The following HS6ST3 variants were observed in gnomAD, a reference collection of about 807,000 sequenced individuals.
HS6ST3 encodes the protein heparan-sulfate 6-O-sulfotransferase 3.
A neutral mutation model predicts 36.7 loss-of-function variants in HS6ST3; 12 were observed. That is an observed-to-expected ratio of 0.33 (90% CI 0.21 to 0.53). The LOEUF (loss-of-function observed/expected upper bound fraction) is 0.53, where lower values mean the gene tolerates loss of function less well. Among genes scored for constraint, HS6ST3 ranks in the 20% least tolerant of loss-of-function variants. HS6ST3 has a pLI of 0.95. For missense variants in HS6ST3, 584 were observed against 640.9 expected (o/e 0.91, Z 0.96); for synonymous variants, 240 against 257.5 (o/e 0.93, Z 0.65).
intron 1 of HS6ST3, among the ~76,000 whole-genome samples, chr13:96,115,334 A>G (rs1197604870): frequency 6.6e-6 from 1 of 152,166 alleles, no homozygotes; most frequent in Non-Finnish European, 1.5e-5. Context: ...GGTTTGTTAC[A>G]TAGGTGTACG....
intron 1 of HS6ST3, among the ~76,000 whole-genome samples, chr13:96,523,618 G>C (rs753156146): frequency 2.0e-5 from 3 of 151,272 alleles, no homozygotes; most frequent in Non-Finnish European, 4.4e-5. Flanking sequence ...TCATTAATTT[G>C]ATTTTAATCA....
intron 1 of HS6ST3, among the ~76,000 whole-genome samples, chr13:96,200,636 A>ATT (rs1261215885): frequency 1.3e-5 from 2 of 151,972 alleles, no homozygotes; most frequent in Non-Finnish European, 2.9e-5. Flanking sequence ...ATTTTTTCCC[A>ATT]TTTGTTATAT....
intron 1 of HS6ST3, among the ~76,000 whole-genome samples, chr13:96,816,593 C>A (rs1035797490): frequency 6.6e-6 from 1 of 152,188 alleles, no homozygotes; most frequent in Non-Finnish European, 1.5e-5. Context: ...TTATGAGGGA[C>A]AATCGTGCTG....
In HS6ST3 at chr13:96,810,156, C is replaced by T. The variant is rs1358517815; in HGVS notation, c.708-22334C>T. On this transcript the variant is annotated intron_variant, in intron 1 of 1. Transcript: ENST00000376705. ...AGGCCGCTGTGAGGCACCCCAGCCT[C>T]CCGGGCAGCCTGACAGAACTAAGTA... Among the ~76,000 whole-genome samples, 4 of 152,296 alleles carry T rather than the reference C, an allele frequency of 2.6e-5. No homozygotes were observed. The East Asian group carries it at 5.8e-4, about 22-fold the overall frequency.
chr13:96,219,566 G>A (rs2054444428), intron 1 of HS6ST3, among the ~76,000 whole-genome samples: 1 of 152,124 alleles, frequency 6.6e-6, no homozygotes, highest in African/African-American at 2.4e-5. Flanking sequence ...ATAATATTTC[G>A]TGGTGATGAT....
chr13:96,688,233 T>TAATAATAATA (rs1874843769), intron 1 of HS6ST3, among the ~76,000 whole-genome samples: 1 of 146,346 alleles, frequency 6.8e-6, no homozygotes, highest in Admixed American at 6.9e-5. Context: ...ATAATCATCA[T>TAATAATAATA]CATCATAATA....
intron 1 of HS6ST3, among the ~76,000 whole-genome samples, chr13:96,439,954 C>T (rs569768410): frequency 1.1e-3 from 170 of 152,218 alleles, no homozygotes; most frequent in Non-Finnish European, 2.2e-3. Context: ...AGAAATAGAA[C>T]TCTCTTCTAA....
intron 1 of HS6ST3, among the ~76,000 whole-genome samples, chr13:96,552,720 G>T (rs1022048832): frequency 6.6e-6 from 1 of 152,162 alleles, no homozygotes; most frequent in African/African-American, 2.4e-5. Context: ...TTGGCATCAA[G>T]GGCTACTTCA....
intron 1 of HS6ST3, among the ~76,000 whole-genome samples, chr13:96,543,082 A>C (rs2056184387): frequency 6.6e-6 from 1 of 152,208 alleles, no homozygotes; most frequent in Non-Finnish European, 1.5e-5. Flanking sequence ...CCCTATCTTT[A>C]CATATCTGTT....
chr13:96,233,469 A>G (rs575403443), intron 1 of HS6ST3, among the ~76,000 whole-genome samples: 4 of 152,312 alleles, frequency 2.6e-5, no homozygotes, highest in South Asian at 4.1e-4. Context: ...TCATTTTATT[A>G]TAAAGGGTTT....
chr13:96,354,662 C>T (rs778538211), intron 1 of HS6ST3, among the ~76,000 whole-genome samples: 10 of 151,942 alleles, frequency 6.6e-5, no homozygotes, highest in Non-Finnish European at 1.5e-4. Context: ...GTTACCATTA[C>T]AACAATGTAA....
intron 1 of HS6ST3, among the ~76,000 whole-genome samples, chr13:96,146,676 G>T (rs1244530296): frequency 6.6e-6 from 1 of 152,056 alleles, no homozygotes; most frequent in Admixed American, 6.5e-5. Context: ...TGTTTTCTTG[G>T]ACTCTTATGT....
chr13:96,194,423 A>G (rs1410007485), intron 1 of HS6ST3, among the ~76,000 whole-genome samples: 12 of 152,058 alleles, frequency 7.9e-5, no homozygotes, highest in African/African-American at 2.4e-5. Context: ...TTATCTTGGT[A>G]CCCAGAAAAT....
intron 1 of HS6ST3, among the ~76,000 whole-genome samples, chr13:96,215,275 T>C (rs1227390135): frequency 1.3e-5 from 2 of 152,200 alleles, no homozygotes; most frequent in Non-Finnish European, 2.9e-5. Flanking sequence ...TGTGCCTGTG[T>C]ATGGCTTTCT....
chr13:96,555,319 T>C (rs1014539369), intron 1 of HS6ST3, among the ~76,000 whole-genome samples: 3 of 152,194 alleles, frequency 2.0e-5, no homozygotes, highest in African/African-American at 7.2e-5. Context: ...ACATTTTTTA[T>C]TTCTCTATTA....
chr13:96,550,679 C>T (rs1460356164), intron 1 of HS6ST3, among the ~76,000 whole-genome samples: 6 of 151,582 alleles, frequency 4.0e-5, no homozygotes, highest in Admixed American at 2.6e-4. Context: ...CTTGTATACT[C>T]AAAACTTGGC....
chr13:96,255,623 A>G lies in HS6ST3; in HGVS notation c.707+164054A>G, dbSNP rs193116439. ...CCTTCTGGTTGTGATTTTTTAGGAGATTCAGCAGGCAATTAGGTTGTGGAC... is the reference window on the plus strand; with the variant it reads ...CCTTCTGGTTGTGATTTTTTAGGAGGTTCAGCAGGCAATTAGGTTGTGGAC... On this transcript the variant is annotated intron_variant, in intron 1 of 1. Coordinates refer to ENST00000376705, the MANE Select transcript of HS6ST3 (RefSeq NM_153456.4). Among the ~76,000 whole-genome samples, 11 of 152,244 alleles carry G rather than the reference A, an allele frequency of 7.2e-5. No individual in the cohort carries two copies. The East Asian group carries it at 1.9e-3, about 27-fold the overall frequency.
intron 1 of HS6ST3, among the ~76,000 whole-genome samples, chr13:96,468,469 T>TACAC (rs146508827): frequency 8.0e-4 from 37 of 46,152 alleles, no homozygotes; most frequent in Admixed American, 2.7e-3. Flanking sequence ...TAACAGGACA[T>TACAC]ACACACATAC....
chr13:96,244,623 GA>G (rs902074619), intron 1 of HS6ST3, among the ~76,000 whole-genome samples: 11 of 151,802 alleles, frequency 7.2e-5, no homozygotes, highest in African/African-American at 1.9e-4. Context: ...TTAATCAATG[GA>G]AAAAAAATAC....
Sources: allele counts gnomAD v4.1 joint callset (sites outside exome capture counted in the v4.1 genomes callset), GRCh38; gene constraint gnomAD v4.1.1; transcripts MANE v1.5; gene names NCBI Gene and HGNC (gene_info 2026-07-23, HGNC 2026-07-21).